CPA3: variants seen among roughly 807,000 people sequenced by gnomAD.
CPA3 encodes the protein carboxypeptidase A3.
A neutral mutation model predicts 55.8 loss-of-function variants in CPA3; 52 were observed. The observed-to-expected ratio is 0.93, with a 90% confidence interval of 0.75 to 1.17. CPA3 has a LOEUF of 1.17. CPA3 is among the 50% of genes most tolerant of loss of function. The pLI is 0.00. For missense variants in CPA3, 547 were observed against 509.1 expected, an observed-to-expected ratio of 1.07 and a Z score of -0.72; for synonymous variants, 179 against 171.2, an observed-to-expected ratio of 1.05 and a Z score of -0.36.
At chr3:148,892,025 C>A (rs1455628103) in intron 10 of CPA3, among the ~76,000 whole-genome samples, 1 of 141,652 alleles carries the variant, frequency 7.1e-6, no homozygotes, top group Admixed American at 7.3e-5. Context: ...AAATTACATG[C>A]AATATTTGAC....
chr3:148,886,398 C>T lies in CPA3; in HGVS notation c.1066+221C>T, dbSNP rs80272411. On this transcript the variant is annotated intron_variant, in intron 10 of 10. Transcript: ENST00000296046. ...AGAAACAAATTATACTGAACTTTTA[C>T]AGGGTTACAAGGTCAACGGAAGCTA... is the stretch of plus-strand genomic sequence containing the variant. Among the ~76,000 whole-genome samples, 882 of 152,234 alleles carry T rather than the reference C, an allele frequency of 5.8e-3. 5 individuals carry two copies. The highest frequency in any genetic ancestry group is 0.02 in the African/African-American group (829 of 41,548).
intron 2 of CPA3, among the ~76,000 whole-genome samples, chr3:148,866,665 C>G (rs547386773): frequency 1.3e-4 from 20 of 152,188 alleles, no homozygotes; most frequent in Non-Finnish European, 2.1e-4. Context: ...GGATAATAGT[C>G]ATAGCTACTT....
At chr3:148,875,620 T>C (rs578128645) in intron 3 of CPA3, among the ~76,000 whole-genome samples, 1 of 152,314 alleles carries the variant, frequency 6.6e-6, no homozygotes, top group East Asian at 1.9e-4. Context: ...CGCTGCTTGC[T>C]TTCAGCAAGT....
At chr3:148,894,988 A>G (rs1391406873) in intron 10 of CPA3, among the ~76,000 whole-genome samples, 1 of 152,114 alleles carries the variant, frequency 6.6e-6, no homozygotes, top group Non-Finnish European at 1.5e-5. Context: ...AATCATTTTT[A>G]TGAAATCCCA....
intron 6 of CPA3, among the ~76,000 whole-genome samples, chr3:148,880,621 C>T (rs1160662390): frequency 6.6e-6 from 1 of 152,122 alleles, no homozygotes; most frequent in East Asian, 1.9e-4. Flanking sequence ...TATGAGCCAC[C>T]ACACTGGGCC....
intron 3 of CPA3, among the ~76,000 whole-genome samples, chr3:148,874,599 T>C (rs948821882): frequency 1.3e-5 from 2 of 152,308 alleles, no homozygotes; most frequent in Admixed American, 6.5e-5. Context: ...GAGTTAGATA[T>C]GATGTACATA....
intron 10 of CPA3, 24 bp from the exon 11 acceptor site, chr3:148,896,496 A>G: frequency 6.7e-7 from 1 of 1,485,378 alleles, no homozygotes; most frequent in Non-Finnish European, 9.1e-7. Context: ...CTCTAATTAA[A>G]TATTTACTGC....
chr3:148,883,652 G>A lies in CPA3; in HGVS notation c.818G>A (p.Arg273Gln), dbSNP rs143184657. The A allele has an allele frequency of 1.7e-5, 28 of 1,613,830 alleles. No homozygotes were observed. The highest frequency in any genetic ancestry group is 1.0e-4 in the Admixed American group (6 of 59,984). Reference protein sequence around the residue: ...NTNDPCADNYRGSAPESEKET... With the variant: ...NTNDPCADNYQGSAPESEKET... ...AATGACCCATGTGCAGATAACTATC[G>A]GGGCTCTGCACCAGAGTCCGAGAAA... The change falls in exon 9 of 11, where the codon CGG becomes CAG. Residue 273 changes from arginine to glutamine, a missense_variant. Transcript: ENST00000296046.
intron 3 of CPA3, among the ~76,000 whole-genome samples, chr3:148,875,338 T>A (rs1714176634): frequency 1.3e-5 from 2 of 152,196 alleles, no homozygotes; most frequent in South Asian, 4.1e-4. Flanking sequence ...AAGAAAATTG[T>A]TCAGATAAGT....
intron 3 of CPA3, among the ~76,000 whole-genome samples, chr3:148,873,107 A>G (rs1714111667): frequency 6.7e-6 from 1 of 149,908 alleles, no homozygotes; most frequent in African/African-American, 2.5e-5. Context: ...CAGATGTTCC[A>G]TTTTCCTCCC....
chr3:148,885,114 CA>C (rs1465782437), intron 9 of CPA3, among the ~76,000 whole-genome samples: 4 of 152,174 alleles, frequency 2.6e-5, no homozygotes, highest in Admixed American at 6.5e-5. Context: ...CCCTAATTAA[CA>C]ACTATTTTAA....
intron 10 of CPA3, among the ~76,000 whole-genome samples, chr3:148,891,511 C>T (rs868681985): frequency 1.7e-3 from 205 of 122,802 alleles, no homozygotes; most frequent in East Asian, 4.5e-3. Flanking sequence ...CACACACACA[C>T]ATACACACAC....
At chr3:148,880,074 C>T (rs1462811770) in intron 6 of CPA3, among the ~76,000 whole-genome samples, 185 bp downstream of exon 6, 2 of 152,152 alleles carry the variant, frequency 1.3e-5, no homozygotes, top group East Asian at 3.9e-4. Flanking sequence ...GACAACTTCC[C>T]TCCAAACAAT....
Position 148,881,615 on chromosome 3 carries a change from A to G in CPA3, c.670A>G (p.Ile224Val). The change falls in exon 7 of 11, where the codon ATT (isoleucine) becomes GTT (valine). Residue 224 changes from isoleucine (I) to valine (V), a missense_variant. Transcript: ENST00000296046. Reference sequence around the variant, plus strand: ...TCCTGTGTTCAATGTTGATGGATATATTTGGTCATGGACAAAGGTACTGCT... The same window carrying G: ...TCCTGTGTTCAATGTTGATGGATATGTTTGGTCATGGACAAAGGTACTGCT... ...ILPVFNVDGYIWSWTKNRMWR... is the reference protein window; with the variant it reads ...ILPVFNVDGYVWSWTKNRMWR... 1 of 1,610,008 alleles carries G rather than the reference A, an allele frequency of 6.2e-7. No homozygotes were observed. The highest frequency in any genetic ancestry group is 1.1e-5 in the South Asian group (1 of 90,804).
intron 10 of CPA3, among the ~76,000 whole-genome samples, chr3:148,890,008 T>C (rs1714627752): frequency 6.6e-6 from 1 of 152,104 alleles, no homozygotes; most frequent in African/African-American, 2.4e-5. Flanking sequence ...CTTAAGTGAT[T>C]CTAAGATGAA....
chr3:148,878,809 T>C, intron 5 of CPA3, 61 bp downstream of exon 5: 1 of 1,030,556 alleles, frequency 9.7e-7, no homozygotes, highest in East Asian at 2.4e-5. Context: ...ATTTAAAAGT[T>C]ACTTTGTAAC....
intron 6 of CPA3, among the ~76,000 whole-genome samples, chr3:148,881,117 T>C (rs1396320752): frequency 2.6e-5 from 4 of 152,190 alleles, no homozygotes; most frequent in African/African-American, 9.6e-5. Flanking sequence ...ATCTCACAAA[T>C]TCTCTCCAAT....
intron 10 of CPA3, among the ~76,000 whole-genome samples, chr3:148,890,188 G>A (rs1212365033): frequency 6.6e-6 from 1 of 151,988 alleles, no homozygotes; most frequent in Non-Finnish European, 1.5e-5. Context: ...ATATTGAGAT[G>A]GCACAAAAAA....
chr3:148,881,620 G>T lies in CPA3; in HGVS notation c.675G>T (p.Trp225Cys), dbSNP rs1714370431. The change falls in exon 7 of 11, where the codon TGG becomes TGT. Residue 225 changes from tryptophan to cysteine, a missense_variant. Coordinates refer to ENST00000296046, the MANE Select transcript of CPA3 (RefSeq NM_001870.4). Reference protein sequence around the residue: ...LPVFNVDGYIWSWTKNRMWRK... With the variant: ...LPVFNVDGYICSWTKNRMWRK... The stretch of plus-strand genomic sequence containing the variant: ...TGTTCAATGTTGATGGATATATTTG[G>T]TCATGGACAAAGGTACTGCTCTCTA... 6.2e-7 allele frequency: 1 copy of T among 1,606,638 alleles called. No individual in the cohort carries two copies. The highest frequency in any genetic ancestry group is 8.5e-7 in the Non-Finnish European group (1 of 1,174,338).
Sources: allele counts gnomAD v4.1 joint callset (sites outside exome capture counted in the v4.1 genomes callset), GRCh38; gene constraint gnomAD v4.1.1; transcripts MANE v1.5; gene names NCBI Gene and HGNC (gene_info 2026-07-23, HGNC 2026-07-21).